The following C2CD3 variants were observed in gnomAD, a reference collection of about 807,000 sequenced individuals.
The protein encoded by C2CD3 is C2 domain containing 3 centriole elongation regulator.
A neutral mutation model predicts 234.0 loss-of-function variants in C2CD3; 148 were observed. That is an observed-to-expected ratio of 0.63 (90% CI 0.55 to 0.72). C2CD3 has a LOEUF of 0.72. Ranked by LOEUF, C2CD3 falls within the 30% of genes least tolerant of loss-of-function variation. The pLI is 0.00. For synonymous variants in C2CD3, 1,000 were observed against 1,035.4 expected (o/e 0.97, Z 0.66); for missense variants, 2,577 against 2,811.5 (o/e 0.92, Z 1.89).
intron 32 of C2CD3, 150 bp from the exon 33 acceptor site, chr11:74,013,675 C>A (rs758142118): frequency 9.2e-6 from 4 of 433,060 alleles, no homozygotes; most frequent in Non-Finnish European, 1.6e-5. Context: ...TCTTGCTTGA[C>A]CCTTACCTCA....
chr11:74,042,269 A>G (rs780029497), intron 28 of C2CD3, 51 bp from the exon 29 acceptor site: 36 of 1,551,402 alleles, frequency 2.3e-5, no homozygotes, highest in Non-Finnish European at 3.0e-5. Flanking sequence ...TTCCCAATCA[A>G]TGAGAACACT....
intron 24 of C2CD3, among the ~76,000 whole-genome samples, chr11:74,066,204 A>C (rs890898988): frequency 7.4e-6 from 1 of 135,076 alleles, no homozygotes; most frequent in Non-Finnish European, 1.5e-5. Context: ...AGGACAGAAA[A>C]CCAAACACCA....
intron 20 of C2CD3, among the ~76,000 whole-genome samples, chr11:74,086,242 A>G (rs180748433): frequency 6.6e-6 from 1 of 152,242 alleles, no homozygotes; most frequent in Non-Finnish European, 1.5e-5. Flanking sequence ...GAACCATAGT[A>G]CATCTCAGTG....
chr11:74,028,042 C>G (rs1952374973), intron 32 of C2CD3, among the ~76,000 whole-genome samples: 1 of 152,184 alleles, frequency 6.6e-6, no homozygotes, highest in East Asian at 1.9e-4. Context: ...TTCTGCACAG[C>G]TTTTTTCTTC....
At chr11:74,112,202 C>T (rs1956775549) in intron 11 of C2CD3, among the ~76,000 whole-genome samples, 1 of 152,142 alleles carries the variant, frequency 6.6e-6, no homozygotes, top group South Asian at 2.1e-4. Context: ...GTTAGGACCA[C>T]ATCTTTTATT....
intron 20 of C2CD3, among the ~76,000 whole-genome samples, chr11:74,087,202 A>G (rs1202518807): frequency 1.3e-5 from 2 of 152,224 alleles, no homozygotes; most frequent in Non-Finnish European, 2.9e-5. Context: ...ACAATAGTAT[A>G]CCATGAAGTA....
At chr11:74,118,705 T>C (rs1565315652) in intron 8 of C2CD3, among the ~76,000 whole-genome samples, 3 of 152,204 alleles carry the variant, frequency 2.0e-5, no homozygotes, top group Admixed American at 6.5e-5. Flanking sequence ...ATATTTCTAA[T>C]ATTCACCACA....
chr11:74,149,619 C>G (rs1384239435), intron 3 of C2CD3, among the ~76,000 whole-genome samples: 1 of 147,830 alleles, frequency 6.8e-6, no homozygotes, highest in Non-Finnish European at 1.5e-5. Flanking sequence ...TTTGAGAAAT[C>G]TCTCCCAGAG....
At chr11:74,069,080 A>G (rs1954678966) in intron 24 of C2CD3, among the ~76,000 whole-genome samples, 1 of 152,214 alleles carries the variant, frequency 6.6e-6, no homozygotes, top group Non-Finnish European at 1.5e-5. Flanking sequence ...TTACAGGCAT[A>G]AGCCACTGCG....
At chr11:74,105,986 C>T (rs1468155513) in intron 13 of C2CD3, among the ~76,000 whole-genome samples, 2 of 152,128 alleles carry the variant, frequency 1.3e-5, no homozygotes, top group Non-Finnish European at 2.9e-5. Context: ...TACTTTCTAC[C>T]ACTCTCTCTC....
chr11:74,138,547 G>A (rs529512352), intron 5 of C2CD3, among the ~76,000 whole-genome samples, 173 bp downstream of exon 5: 109 of 152,296 alleles, frequency 7.2e-4, no homozygotes, highest in African/African-American at 2.5e-3. Flanking sequence ...ATACCTTGGT[G>A]GTTTAATACG....
chr11:74,092,669 C>T (rs942929333), intron 18 of C2CD3, 81 bp from the exon 19 acceptor site: 2 of 1,183,188 alleles, frequency 1.7e-6, no homozygotes. Flanking sequence ...GCCTTCACTA[C>T]CTGGTTATCT....
At chr11:74,049,912 C>T (rs1953594570) in intron 26 of C2CD3, among the ~76,000 whole-genome samples, 1 of 138,672 alleles carries the variant, frequency 7.2e-6, no homozygotes, top group African/African-American at 3.5e-5. Context: ...TCCCAAGTAG[C>T]TAGGACTATA....
intron 7 of C2CD3, among the ~76,000 whole-genome samples, chr11:74,130,781 C>T (rs982523191): frequency 6.6e-6 from 1 of 152,066 alleles, no homozygotes; most frequent in South Asian, 2.1e-4. Flanking sequence ...AAGTGTGAGT[C>T]CTACTTTCTT....
At chr11:74,039,122 A>G (rs1244423384) in intron 29 of C2CD3, among the ~76,000 whole-genome samples, 1 of 152,228 alleles carries the variant, frequency 6.6e-6, no homozygotes, top group African/African-American at 2.4e-5. Flanking sequence ...ACATGGATAA[A>G]CATCTGCAGG....
At chr11:74,068,745 T>C (rs894465119) in intron 24 of C2CD3, among the ~76,000 whole-genome samples, 2 of 152,178 alleles carry the variant, frequency 1.3e-5, no homozygotes, top group Non-Finnish European at 2.9e-5. Context: ...ATTCTAGATA[T>C]ATATCAACCT....
At chr11:74,116,968 A>G (rs1375179272) in intron 9 of C2CD3, among the ~76,000 whole-genome samples, 3 of 109,142 alleles carry the variant, frequency 2.7e-5, no homozygotes, top group Admixed American at 9.1e-5. Flanking sequence ...GTATATACAC[A>G]TATACACGTA....
chr11:74,091,200 GAACTT>G (rs779064457), intron 19 of C2CD3: 6 of 316,330 alleles, frequency 1.9e-5, no homozygotes, highest in Non-Finnish European at 2.9e-5. Flanking sequence ...ACTGAAGGCA[GAACTT>G]AACTCCAGAT....
intron 2 of C2CD3, chr11:74,164,211 G>A (rs370284265): frequency 2.2e-5 from 21 of 958,298 alleles, no homozygotes; most frequent in African/African-American, 1.6e-4. Flanking sequence ...TTCCTACTCC[G>A]ATTTGTCTTT....
Sources: allele counts gnomAD v4.1 joint callset (sites outside exome capture counted in the v4.1 genomes callset), GRCh38; gene constraint gnomAD v4.1.1; transcripts MANE v1.5; gene names NCBI Gene and HGNC (gene_info 2026-07-23, HGNC 2026-07-21).